MYCBP2: variants seen among roughly 807,000 people sequenced by gnomAD.
MYCBP2 encodes the protein E3 ubiquitin-protein ligase MYCBP2.
Under a neutral mutation model 525.3 loss-of-function variants are expected in MYCBP2, and 120 were observed. The ratio of observed to expected loss-of-function variants is 0.23; its 90% confidence interval spans 0.20 to 0.27. The LOEUF is 0.27. Among genes scored for constraint, MYCBP2 ranks in the 10% least tolerant of loss-of-function variants. The pLI is 1.00. For synonymous variants in MYCBP2, 1,894 were observed against 1,955.8 expected (o/e 0.97, Z 0.83); for missense variants, 4,149 against 5,657.1 (o/e 0.73, Z 8.55).
intron 6 of MYCBP2, 70 bp from the exon 7 acceptor site, chr13:77,270,133 G>T: frequency 6.8e-7 from 1 of 1,477,420 alleles, no homozygotes; most frequent in Non-Finnish European, 9.2e-7. Context: ...TAATACAAAT[G>T]GGTGAATGAC....
rs192234731 is a variant in MYCBP2, at chr13:77,221,550, C to T, written c.2939+2901G>A. ...TTCACTACTTCCCTTTCCACTCTGG[C>T]AAGACCATGAAATACTATTTGCCAA... On this transcript the variant is annotated intron_variant, in intron 20 of 82. Transcript: ENST00000544440. Among the ~76,000 whole-genome samples the T allele has an allele frequency of 5.3e-5, 8 of 152,222 alleles. No homozygotes were observed. In the East Asian group the frequency reaches 1.5e-3, roughly 29 times the overall value.
intron 55 of MYCBP2, among the ~76,000 whole-genome samples, chr13:77,108,035 T>C (rs1275093020): frequency 4.6e-5 from 7 of 152,184 alleles, no homozygotes; most frequent in Admixed American, 4.6e-4. Context: ...AAGACTTATT[T>C]ACATAAATGT....
At chr13:77,168,688 A>G (rs758792215) in intron 39 of MYCBP2, 42 bp from the exon 40 acceptor site, 10 of 1,567,516 alleles carry the variant, frequency 6.4e-6, no homozygotes, top group Non-Finnish European at 8.8e-6. Context: ...GATACACGTG[A>G]AAGTGGTTCT....
intron 55 of MYCBP2, chr13:77,110,214 G>A (rs2154143850): frequency 6.5e-6 from 1 of 153,398 alleles, no homozygotes; most frequent in Non-Finnish European, 1.4e-5. Flanking sequence ...CTCCTAGCAA[G>A]GAATATTAAA....
chr13:77,083,296 A>G, intron 62 of MYCBP2, 104 bp from the exon 63 acceptor site: 1 of 1,061,644 alleles, frequency 9.4e-7, no homozygotes, highest in Non-Finnish European at 1.3e-6. Flanking sequence ...TAACAGAAAT[A>G]CAAACAACAA....
chr13:77,056,733 C>T (rs933236727), intron 79 of MYCBP2, among the ~76,000 whole-genome samples: 3 of 152,176 alleles, frequency 2.0e-5, no homozygotes, highest in African/African-American at 7.2e-5. Flanking sequence ...CCCTTTAATG[C>T]ATCACGATGT....
chr13:77,326,800 C>T lies in MYCBP2; in HGVS notation c.-25G>A, dbSNP rs1037825590. 2.9e-6 allele frequency: 4 copies of T among 1,399,340 alleles called. No homozygotes were observed. The highest frequency in any genetic ancestry group is 3.1e-5 in the African/African-American group (2 of 65,242). 86.7% of individuals were successfully genotyped at this position (1,399,340 alleles called of 1,614,324 possible). A position where few individuals can be genotyped will look rare whatever the true frequency, so the allele number is the denominator to read the frequency against. On this transcript the variant is annotated 5_prime_UTR_variant, in exon 1 of 83. Transcript: ENST00000544440. This position sits in a 1 kb window ranked among gnomAD's most constrained non-coding sequence, Gnocchi z 4.2. ...TCCTCGCCGCCGCCGCCGCCGCCGC[C>T]GCCTCGTCCCCGCGGGCCGGGCGGG...
At chr13:77,135,345 A>T (rs1288418888) in intron 52 of MYCBP2, among the ~76,000 whole-genome samples, 2 of 152,244 alleles carry the variant, frequency 1.3e-5, no homozygotes, top group Non-Finnish European at 2.9e-5. Context: ...TTTTTCCAGC[A>T]GTAAATGTAT....
chr13:77,094,531 C>T (rs1003872128), intron 58 of MYCBP2, among the ~76,000 whole-genome samples: 4 of 152,260 alleles, frequency 2.6e-5, no homozygotes, highest in Non-Finnish European at 4.4e-5. Flanking sequence ...CTACAGAGCC[C>T]GACATTACTT....
chr13:77,059,559 A>G lies in MYCBP2; in HGVS notation c.13104T>C (p.Ser4368=). The part of the protein sequence containing the change: ...FCGSRSGTEL[S]AVGSVCSDAD... The stretch of plus-strand genomic sequence containing the variant: ...CATCAGAACAAACACTGCCAACAGC[A>G]GATAACTCTGTTCCACTCCTGGAAC... The change falls in exon 77 of 83, where the codon TCT becomes TCC. Residue 4368 remains serine, a synonymous_variant. Transcript: ENST00000544440. The G allele has an allele frequency of 3.7e-6, 6 of 1,614,156 alleles. No individual in the cohort carries two copies. The highest frequency in any genetic ancestry group is 5.1e-6 in the Non-Finnish European group (6 of 1,179,980).
At chr13:77,255,718 C>CA (rs1030786994) in intron 14 of MYCBP2, among the ~76,000 whole-genome samples, 10 of 151,928 alleles carry the variant, frequency 6.6e-5, no homozygotes, top group African/African-American at 2.4e-4. Flanking sequence ...TAAAGTGATG[C>CA]ATTTTAAATA....
chr13:77,210,353 C>T (rs9565325), intron 23 of MYCBP2, among the ~76,000 whole-genome samples: 1 of 151,560 alleles, frequency 6.6e-6, no homozygotes, highest in African/African-American at 2.4e-5. Context: ...CCACCACGCC[C>T]GGCTAATTTT....
intron 16 of MYCBP2, 34 bp downstream of exon 16, chr13:77,243,772 C>T: frequency 6.3e-7 from 1 of 1,592,838 alleles, no homozygotes; most frequent in Non-Finnish European, 8.6e-7. Context: ...TTGAGGACAA[C>T]TCAGTGTAGC....
chr13:77,274,794 A>G (rs1215978829), intron 4 of MYCBP2, among the ~76,000 whole-genome samples: 1 of 152,208 alleles, frequency 6.6e-6, no homozygotes, highest in Non-Finnish European at 1.5e-5. Flanking sequence ...AGAATTTCAA[A>G]CCAAAAATCT....
chr13:77,310,316 T>G (rs1197713565), intron 1 of MYCBP2, among the ~76,000 whole-genome samples: 1 of 152,196 alleles, frequency 6.6e-6, no homozygotes, highest in Non-Finnish European at 1.5e-5. Flanking sequence ...TTTGATTCCC[T>G]GAATTCACAA....
At chr13:77,109,959 A>G (rs956964286) in intron 55 of MYCBP2, 1 of 152,150 alleles carries the variant, frequency 6.6e-6, no homozygotes, top group Non-Finnish European at 1.5e-5. Flanking sequence ...TTATCTTTGT[A>G]AGCTGAGAAT....
intron 3 of MYCBP2, among the ~76,000 whole-genome samples, chr13:77,280,166 T>C (rs769461713): frequency 4.6e-5 from 7 of 152,196 alleles, no homozygotes; most frequent in Non-Finnish European, 1.0e-4. Flanking sequence ...CTGATTAACA[T>C]TTACAAGTTT....
chr13:77,198,351 CTTTAAG>C, intron 26 of MYCBP2, among the ~76,000 whole-genome samples: 2 of 152,238 alleles, frequency 1.3e-5, no homozygotes, highest in Admixed American at 1.3e-4. Flanking sequence ...GCAAATATTT[CTTTAAG>C]TTTGTCAGTT....
chr13:77,159,784 T>C lies in MYCBP2; in HGVS notation c.6598-1675A>G, dbSNP rs557502993. ...GTGAGTCAATTAAACCTCTTTTCTT[T>C]ATAAATTACCCAGCCTCAGGTAGTT... On this transcript the variant is annotated intron_variant, in intron 44 of 82. Coordinates refer to ENST00000544440, the MANE Select transcript of MYCBP2 (RefSeq NM_015057.5). 2.0e-4 allele frequency among the ~76,000 whole-genome samples: 31 copies of C among 152,318 alleles called. No homozygotes were observed. The South Asian group carries it at 3.5e-3, about 17-fold the overall frequency.
Sources: gnomAD v4.1 joint callset for allele counts (sites outside exome capture counted in the v4.1 genomes callset) on GRCh38, gnomAD v4.1.1 for gene constraint, Gnocchi (gnomAD v3.1) non-coding constraint, MANE v1.5 for transcripts, NCBI Gene and HGNC (gene_info 2026-07-23, HGNC 2026-07-21) for gene names.